Variants in CMSS1 observed in about 807,000 individuals in gnomAD.
CMSS1 encodes cms1 ribosomal small subunit homolog.
In CMSS1, 33 loss-of-function variants were observed where a neutral mutation model predicts 43.5. That is an observed-to-expected ratio of 0.76 (90% CI 0.57 to 1.01). The LOEUF is 1.01. Ranked by LOEUF, CMSS1 falls within the 50% of genes least tolerant of loss-of-function variation. The pLI is 0.00. For missense variants in CMSS1, 313 were observed against 326.4 expected, an observed-to-expected ratio of 0.96 and a Z score of 0.32; for synonymous variants, 115 against 117.2, an observed-to-expected ratio of 0.98 and a Z score of 0.12.
chr3:99,862,684 T>C lies in CMSS1; in HGVS notation c.64+44641T>C, dbSNP rs77563521. ...GACATTGCAGAGAAATTGAGTCTGG[T>C]TGAGAAGTCACTGTTTTAGGGCATA... On this transcript the variant is annotated intron_variant, in intron 1 of 9. Coordinates refer to ENST00000421999, the MANE Select transcript of CMSS1 (RefSeq NM_032359.4). Among the ~76,000 whole-genome samples the C allele has an allele frequency of 3.1e-3, 473 of 152,342 alleles. 4 individuals are homozygous for C. The highest frequency in any genetic ancestry group is 0.011 in the African/African-American group (447 of 41,576).
intron 1 of CMSS1, among the ~76,000 whole-genome samples, chr3:100,088,464 T>C (rs961209649): frequency 1.3e-5 from 2 of 152,258 alleles, no homozygotes; most frequent in Non-Finnish European, 2.9e-5. Flanking sequence ...ATTTTCTGAT[T>C]GAAATTAACT....
intron 1 of CMSS1, chr3:100,010,118 C>G: frequency 2.1e-6 from 2 of 952,938 alleles, no homozygotes; most frequent in Non-Finnish European, 2.5e-6. Flanking sequence ...CTTTCTGTCT[C>G]TCTTATTTTT....
At chr3:100,109,508 A>G (rs556081811) in intron 1 of CMSS1, among the ~76,000 whole-genome samples, 1 of 152,278 alleles carries the variant, frequency 6.6e-6, no homozygotes, top group East Asian at 1.9e-4. Flanking sequence ...GCTGTTGGCA[A>G]CCACTGATGT....
intron 1 of CMSS1, among the ~76,000 whole-genome samples, chr3:99,856,374 T>A (rs1045134200): frequency 6.6e-6 from 1 of 152,230 alleles, no homozygotes; most frequent in Non-Finnish European, 1.5e-5. Flanking sequence ...AAAGTCTTTA[T>A]GTACCCTCAG....
At chr3:100,044,905 C>A (rs1468242614) in intron 1 of CMSS1, among the ~76,000 whole-genome samples, 1 of 152,120 alleles carries the variant, frequency 6.6e-6, no homozygotes, top group South Asian at 2.1e-4. Flanking sequence ...GGTGACATTG[C>A]AGAATAGTAG....
At chr3:99,861,451 C>A (rs1173456639) in intron 1 of CMSS1, among the ~76,000 whole-genome samples, 3 of 152,194 alleles carry the variant, frequency 2.0e-5, no homozygotes, top group African/African-American at 7.2e-5. Flanking sequence ...GCTGCCTTTA[C>A]ACCTAGCATT....
chr3:99,858,556 C>G (rs1312152858), intron 1 of CMSS1, among the ~76,000 whole-genome samples: 1 of 152,110 alleles, frequency 6.6e-6, no homozygotes, highest in Non-Finnish European at 1.5e-5. Context: ...TGAAAAAATA[C>G]TTTTACAAAA....
intron 1 of CMSS1, among the ~76,000 whole-genome samples, chr3:99,821,372 C>A (rs1942435368): frequency 6.6e-6 from 1 of 152,182 alleles, no homozygotes; most frequent in South Asian, 2.1e-4. Context: ...TGCAGGGACT[C>A]TCCTGGTCCT....
intron 2 of CMSS1, among the ~76,000 whole-genome samples, chr3:100,156,507 C>T (rs2066975491): frequency 6.6e-6 from 1 of 151,048 alleles, no homozygotes; most frequent in South Asian, 2.1e-4. Flanking sequence ...CGGGGTTTCA[C>T]CATGTTGGTC....
At chr3:99,970,843 T>C (rs893635290) in intron 1 of CMSS1, among the ~76,000 whole-genome samples, 10 of 152,206 alleles carry the variant, frequency 6.6e-5, no homozygotes, top group Admixed American at 6.5e-4. Context: ...CAAAATGTTG[T>C]GAGGATATTA....
intron 1 of CMSS1, among the ~76,000 whole-genome samples, chr3:100,044,973 A>G (rs1307246589): frequency 6.6e-6 from 1 of 152,342 alleles, no homozygotes; most frequent in South Asian, 2.1e-4. Flanking sequence ...AGTTAAGAAC[A>G]TTTAGAGGAG....
At chr3:100,087,218 G>A (rs2066024390) in intron 1 of CMSS1, among the ~76,000 whole-genome samples, 2 of 152,212 alleles carry the variant, frequency 1.3e-5, no homozygotes, top group African/African-American at 4.8e-5. Flanking sequence ...CTCTAGGAGT[G>A]GAATTACTGG....
At chr3:100,117,854 C>CATATATATATATATATATATATAT (rs58609128) in intron 1 of CMSS1, among the ~76,000 whole-genome samples, 1 of 90,748 alleles carries the variant, frequency 1.1e-5, no homozygotes, top group Admixed American at 1.2e-4. Flanking sequence ...TATATATATA[C>CATATATATATATATATATATATAT]ATATATATAT....
chr3:99,918,748 C>G (rs1482974876), intron 1 of CMSS1, among the ~76,000 whole-genome samples: 1 of 152,104 alleles, frequency 6.6e-6, no homozygotes, highest in Admixed American at 6.5e-5. Flanking sequence ...TGTGTTAGGT[C>G]CAGCATGTAT....
At chr3:99,836,994 A>G (rs543857934) in intron 1 of CMSS1, among the ~76,000 whole-genome samples, 228 of 152,350 alleles carry the variant, frequency 1.5e-3, no homozygotes, top group Non-Finnish European at 2.6e-3. Context: ...ATAGGACCAT[A>G]TTTGATAGGT....
At chr3:100,082,821 C>G (rs1166907657) in intron 1 of CMSS1, among the ~76,000 whole-genome samples, 1 of 152,168 alleles carries the variant, frequency 6.6e-6, no homozygotes, top group Non-Finnish European at 1.5e-5. Context: ...GACTTACCTT[C>G]GTTGACTTAA....
rs921488226 is a variant in CMSS1, at chr3:100,180,487, T to C, written c.*2099T>C. 30 of 152,306 alleles carry C rather than the reference T, an allele frequency of 2.0e-4. No individual in the cohort carries two copies. The highest frequency in any genetic ancestry group is 1.4e-3 in the Admixed American group (22 of 15,288). The allele number at this position is 152,306 out of a possible 1,614,324, so 9.4% of individuals were successfully genotyped here. Reference sequence around the variant, plus strand: ...AATTTCTGCCGGATACCCTAAGTCATCTCTCCCAAGTTCAAAGTTACACAG... The same window carrying C: ...AATTTCTGCCGGATACCCTAAGTCACCTCTCCCAAGTTCAAAGTTACACAG... On this transcript the variant is annotated 3_prime_UTR_variant, in exon 10 of 10. Coordinates refer to ENST00000421999, the MANE Select transcript of CMSS1 (RefSeq NM_032359.4).
intron 1 of CMSS1, among the ~76,000 whole-genome samples, chr3:99,976,639 CT>C (rs1435000097): frequency 2.0e-5 from 3 of 151,934 alleles, no homozygotes; most frequent in African/African-American, 4.8e-5. Flanking sequence ...GCATATGCAT[CT>C]TTTTTTTAAA....
At chr3:99,975,373 G>A (rs4928232) in intron 1 of CMSS1, among the ~76,000 whole-genome samples, 111,782 of 152,052 alleles carry the variant, frequency 0.74, 41,794 homozygotes, top group African/African-American at 0.88. Flanking sequence ...CAGACAGGCA[G>A]TGAATTCAAG....
Sources: allele counts gnomAD v4.1 joint callset (sites outside exome capture counted in the v4.1 genomes callset), GRCh38; gene constraint gnomAD v4.1.1; transcripts MANE v1.5; gene names NCBI Gene and HGNC (gene_info 2026-07-23, HGNC 2026-07-21).